The following RNF38 variants were observed in gnomAD, a reference collection of about 807,000 sequenced individuals.
The protein encoded by RNF38 is E3 ubiquitin-protein ligase RNF38.
In RNF38, 15 loss-of-function variants were observed where a neutral mutation model predicts 67.2. That is an observed-to-expected ratio of 0.22 (90% CI 0.15 to 0.34). The LOEUF (loss-of-function observed/expected upper bound fraction) is 0.34. RNF38 is among the 10% of genes least tolerant of loss of function. RNF38 has a pLI of 1.00. For missense variants in RNF38, 524 were observed against 639.9 expected (o/e 0.82, Z 1.95); for synonymous variants, 220 against 218.8 (o/e 1.01, Z -0.05).
At position 36,374,561 on chromosome 9, in the gene RNF38, G is replaced by A. The variant is rs564786697; in HGVS notation, c.356+1373C>T. 9.2e-5 allele frequency among the ~76,000 whole-genome samples: 14 copies of A among 152,232 alleles called. No homozygotes were observed. The South Asian group carries it at 2.9e-3, about 32-fold the overall frequency. On this transcript the variant is annotated intron_variant, in intron 3 of 11. Coordinates refer to ENST00000259605, the MANE Select transcript of RNF38 (RefSeq NM_022781.5). The stretch of plus-strand genomic sequence containing the variant: ...GCGGTCTTGGCTCACTGCAACCTCC[G>A]CCTCCTGGGTTCAAGCAATTCCCCT...
upstream of RNF38, among the ~76,000 whole-genome samples, chr9:36,403,779 G>A (rs1838116497): frequency 6.6e-6 from 1 of 152,160 alleles, no homozygotes; most frequent in Non-Finnish European, 1.5e-5. Flanking sequence ...TAGGATTTTA[G>A]AACTGATCAC....
upstream of RNF38, chr9:36,401,259 G>A: frequency 5.1e-6 from 5 of 981,726 alleles, no homozygotes; most frequent in South Asian, 4.7e-5. Context: ...GACCAGTTCC[G>A]GCAACAGAGC....
At chr9:36,470,805 A>C (rs986536158) in intron 1 of RNF38, among the ~76,000 whole-genome samples, 1 of 152,108 alleles carries the variant, frequency 6.6e-6, no homozygotes, top group Non-Finnish European at 1.5e-5. Context: ...TCCATACAGC[A>C]TGGAGGAAGG....
At chr9:36,366,430 T>C (rs931834750) in intron 4 of RNF38, among the ~76,000 whole-genome samples, 3 of 152,218 alleles carry the variant, frequency 2.0e-5, no homozygotes, top group African/African-American at 4.8e-5. Context: ...AGTGTTAATG[T>C]ATCTTTTAAA....
At chr9:36,392,602 T>C (rs1837193747) in intron 1 of RNF38, among the ~76,000 whole-genome samples, 1 of 152,018 alleles carries the variant, frequency 6.6e-6, no homozygotes, top group African/African-American at 2.4e-5. Context: ...TAAATAAAAA[T>C]TAAAAAAATT....
intron 1 of RNF38, among the ~76,000 whole-genome samples, chr9:36,464,187 A>C (rs1839805489): frequency 6.6e-6 from 1 of 150,714 alleles, no homozygotes; most frequent in Non-Finnish European, 1.5e-5. Context: ...ACAAACAAAA[A>C]ACCACACAAA....
intron 1 of RNF38, among the ~76,000 whole-genome samples, chr9:36,426,544 C>T (rs1358014635): frequency 6.6e-6 from 1 of 152,216 alleles, no homozygotes; most frequent in Non-Finnish European, 1.5e-5. Flanking sequence ...GGATATACCA[C>T]ATTTTGTTTC....
intron 1 of RNF38, among the ~76,000 whole-genome samples, chr9:36,453,066 G>T (rs529099199): frequency 2.6e-5 from 4 of 152,052 alleles, no homozygotes; most frequent in African/African-American, 9.7e-5. Flanking sequence ...ACTTTTTGAG[G>T]AACGGCCAAA....
At position 36,336,760 on chromosome 9, in the gene RNF38, A is replaced by G. The variant is rs1436536743; in HGVS notation, c.*2992T>C. On this transcript the variant is annotated 3_prime_UTR_variant, in exon 12 of 12. Transcript: ENST00000259605. ...AAACAGCTTTCTAATGAAAAGGCCC[A>G]AAGATAATCTGTGAAAAATATTCTC... 2 of 152,650 alleles carry G rather than the reference A, an allele frequency of 1.3e-5. No homozygotes were observed. Among genetic ancestry groups the G allele is most frequent in the Non-Finnish European group, 2.9e-5 (2 of 68,042 alleles). 9.5% of individuals were successfully genotyped at this position (152,650 alleles called of 1,614,324 possible). A position where few individuals can be genotyped will look rare whatever the true frequency, so the allele number is the denominator to read the frequency against.
intron 5 of RNF38, among the ~76,000 whole-genome samples, chr9:36,357,172 G>C (rs943267941): frequency 6.6e-6 from 1 of 152,106 alleles, no homozygotes; most frequent in African/African-American, 2.4e-5. Context: ...AAAGATTAAA[G>C]GACAAAGCAT....
intron 1 of RNF38, among the ~76,000 whole-genome samples, chr9:36,485,875 G>A (rs1840397845): frequency 6.6e-6 from 1 of 152,070 alleles, no homozygotes; most frequent in Admixed American, 6.6e-5. Context: ...CTTAGAACAA[G>A]AGCGAGAATG....
intron 2 of RNF38, among the ~76,000 whole-genome samples, chr9:36,377,838 T>C (rs1179964781): frequency 1.3e-5 from 2 of 152,210 alleles, no homozygotes; most frequent in East Asian, 3.8e-4. Context: ...TATTTTAAAA[T>C]TTGTATTATT....
At chr9:36,374,621 C>G (rs529923565) in intron 3 of RNF38, among the ~76,000 whole-genome samples, 1 of 152,264 alleles carries the variant, frequency 6.6e-6, no homozygotes, top group Admixed American at 6.5e-5. Flanking sequence ...TCCCGAGTAG[C>G]TGGGACTACA....
intron 1 of RNF38, among the ~76,000 whole-genome samples, chr9:36,430,240 CTT>C (rs1838898698): frequency 6.6e-6 from 1 of 152,094 alleles, no homozygotes; most frequent in Admixed American, 6.6e-5. Context: ...GAGTTTCGCT[CTT>C]GTTGCCCAGG....
At chr9:36,353,752 A>G (rs1408095352) in intron 6 of RNF38, among the ~76,000 whole-genome samples, 2 of 152,238 alleles carry the variant, frequency 1.3e-5, no homozygotes, top group African/African-American at 4.8e-5. Flanking sequence ...AATCAGAAAC[A>G]GGGCTAAATG....
chr9:36,394,908 T>C (rs1837405193), intron 1 of RNF38, among the ~76,000 whole-genome samples: 1 of 152,220 alleles, frequency 6.6e-6, no homozygotes, highest in Non-Finnish European at 1.5e-5. Context: ...CTTTTCAGCA[T>C]TACAGATTTG....
chr9:36,452,518 T>C (rs1410050223), intron 1 of RNF38, among the ~76,000 whole-genome samples: 1 of 152,158 alleles, frequency 6.6e-6, no homozygotes, highest in Non-Finnish European at 1.5e-5. Context: ...TGTTGTGGCA[T>C]GTTAGCAAAA....
chr9:36,386,581 T>C (rs1211104133), intron 2 of RNF38, among the ~76,000 whole-genome samples: 1 of 152,212 alleles, frequency 6.6e-6, no homozygotes, highest in African/African-American at 2.4e-5. Context: ...CTGGGCTGCA[T>C]TCCCATCACG....
chr9:36,472,215 A>G (rs561927181), intron 1 of RNF38, among the ~76,000 whole-genome samples: 2 of 152,352 alleles, frequency 1.3e-5, no homozygotes, highest in East Asian at 3.9e-4. Context: ...TATTTTAAAA[A>G]CTAAGAACAG....
Sources: allele counts gnomAD v4.1 joint callset (sites outside exome capture counted in the v4.1 genomes callset), GRCh38; gene constraint gnomAD v4.1.1; transcripts MANE v1.5; gene names NCBI Gene and HGNC (gene_info 2026-07-23, HGNC 2026-07-21).